Variants in ADGRV1 observed in about 807,000 individuals in gnomAD.
The protein encoded by ADGRV1 is adhesion G protein-coupled receptor V1.
ADGRV1 carries 359 observed loss-of-function variants against 596.2 expected under a neutral mutation model. The observed-to-expected ratio is 0.60, with a 90% CI of 0.55 to 0.66. The LOEUF (loss-of-function observed/expected upper bound fraction) is 0.66. ADGRV1 is among the 30% of genes least tolerant of loss of function. The pLI is 0.00. For synonymous variants in ADGRV1, 2,681 were observed against 2,679.2 expected, an observed-to-expected ratio of 1.00 and a Z score of -0.02; for missense variants, 7,274 against 7,575.6, an observed-to-expected ratio of 0.96 and a Z score of 1.48.
At chr5:91,109,179 C>T (rs561217065) in intron 87 of ADGRV1, among the ~76,000 whole-genome samples, 3 of 152,246 alleles carry the variant, frequency 2.0e-5, no homozygotes, top group Admixed American at 6.5e-5. Context: ...GACTTCTTCT[C>T]GCCCAAGAAC....
chr5:90,593,054 C>G (rs778477445), intron 1 of ADGRV1, among the ~76,000 whole-genome samples: 3 of 152,076 alleles, frequency 2.0e-5, no homozygotes, highest in Non-Finnish European at 4.4e-5. Context: ...TCCTCAAGGA[C>G]CTAGAACTAG....
chr5:90,854,058 C>T lies in ADGRV1; in HGVS notation c.17455-4C>T. ...CATTATATGTTCTGTTTTTAACATT[C>T]TAGGTATTATCTTTGAGTGTGAAAG... On this transcript the variant is annotated splice_region_variant and splice_polypyrimidine_tract_variant and intron_variant, in intron 80 of 89. Coordinates refer to ENST00000405460, the MANE Select transcript of ADGRV1 (RefSeq NM_032119.4). 6.4e-7 allele frequency: 1 copy of T among 1,567,924 alleles called. No homozygotes were observed. The highest frequency in any genetic ancestry group is 1.2e-5 in the South Asian group (1 of 86,488).
intron 83 of ADGRV1, among the ~76,000 whole-genome samples, chr5:90,908,385 T>C (rs1309482160): frequency 6.6e-6 from 1 of 152,190 alleles, no homozygotes; most frequent in Non-Finnish European, 1.5e-5. Context: ...AATTCAATTG[T>C]ACGCTTAGTT....
At chr5:91,008,400 A>G (rs1195498251) in intron 85 of ADGRV1, among the ~76,000 whole-genome samples, 1 of 152,218 alleles carries the variant, frequency 6.6e-6, no homozygotes, top group Non-Finnish European at 1.5e-5. Context: ...TAGTAGATGC[A>G]TGAATAATAA....
At chr5:90,565,108 G>A (rs1369526567) in intron 1 of ADGRV1, among the ~76,000 whole-genome samples, 4 of 152,076 alleles carry the variant, frequency 2.6e-5, no homozygotes, top group African/African-American at 9.7e-5. Flanking sequence ...GTGTTGGCGG[G>A]CGCCTGTATT....
chr5:91,031,350 A>G (rs1017393447), intron 85 of ADGRV1: 11 of 1,258,426 alleles, frequency 8.7e-6, no homozygotes, highest in Middle Eastern at 1.9e-4. Context: ...ACTCCAATCT[A>G]TCTCATCCGC....
At chr5:90,865,792 AC>A (rs774289876) in intron 83 of ADGRV1, among the ~76,000 whole-genome samples, 1 of 151,918 alleles carries the variant, frequency 6.6e-6, no homozygotes, top group African/African-American at 2.4e-5. Context: ...AAATTCTTAG[AC>A]CCCCCAAAAC....
chr5:90,811,170 C>T lies in ADGRV1; in HGVS notation c.15910C>T (p.Leu5304=), dbSNP rs764795815. The change falls in exon 74 of 90, where the codon CTA becomes TTA. Residue 5304 remains leucine (L), a synonymous_variant. Coordinates refer to ENST00000405460, the MANE Select transcript of ADGRV1 (RefSeq NM_032119.4). ...FEEQTLTLIF[L]DGERERKVSV... ...AGAACAAACTCTTACCCTTATATTC[C>T]TAGATGGAGAAAGAGAACGTAAAGT... 1 of 1,613,750 alleles carries T rather than the reference C, an allele frequency of 6.2e-7. No individual in the cohort carries two copies. The highest frequency in any genetic ancestry group is 1.7e-5 in the Admixed American group (1 of 60,002).
chr5:90,704,335 G>T lies in ADGRV1; in HGVS notation c.8287-54G>T, dbSNP rs1748308827. 1.2e-5 allele frequency: 12 copies of T among 1,036,060 alleles called. No homozygotes were observed. In the Admixed American group the frequency reaches 2.8e-4, roughly 24 times the overall value. The allele number at this position is 1,036,060 out of a possible 1,614,324, so 64.2% of individuals were successfully genotyped here. A position where few individuals can be genotyped will look rare whatever the true frequency, so the allele number is the denominator to read the frequency against. Reference sequence around the variant, plus strand: ...TAAGGTGAATAAAAATAAAGCAGGAGATAGTTCATATTCAATAACGACAGC... The same window carrying T: ...TAAGGTGAATAAAAATAAAGCAGGATATAGTTCATATTCAATAACGACAGC... On this transcript the variant is annotated intron_variant, in intron 35 of 89. Transcript: ENST00000405460.
chr5:91,120,591 T>C (rs1332846427), intron 87 of ADGRV1, among the ~76,000 whole-genome samples: 1 of 152,068 alleles, frequency 6.6e-6, no homozygotes, highest in East Asian at 1.9e-4. Flanking sequence ...CTGAACATAG[T>C]CTGGAACAAA....
At chr5:90,691,164 C>T in intron 31 of ADGRV1, 123 bp downstream of exon 31, 1 of 1,237,538 alleles carries the variant, frequency 8.1e-7, no homozygotes, top group Non-Finnish European at 1.2e-6. Flanking sequence ...CAAGAATGTT[C>T]AAACTATGCT....
chr5:90,743,635 C>T (rs909841811), intron 50 of ADGRV1, among the ~76,000 whole-genome samples: 1 of 151,900 alleles, frequency 6.6e-6, no homozygotes, highest in African/African-American at 2.4e-5. Context: ...CCATGCCCGG[C>T]TAATTTTTTG....
intron 42 of ADGRV1, among the ~76,000 whole-genome samples, chr5:90,713,881 T>C (rs6868367): frequency 0.022 from 3,420 of 152,270 alleles, 123 homozygotes; most frequent in African/African-American, 0.08. Context: ...AATTTTCTAT[T>C]TTTAAAGATT....
rs930565896 is a variant in ADGRV1 at position 90,753,913 on chromosome 5, TTC to T, written c.11377+88_11377+89del. 4.5e-6 allele frequency: 6 copies of T among 1,338,546 alleles called. No homozygotes were observed. In the Admixed American group the frequency reaches 8.5e-5, roughly 19 times the overall value. 82.9% of individuals were successfully genotyped at this position (1,338,546 alleles called of 1,614,324 possible). On this transcript the variant is annotated intron_variant, in intron 54 of 89. Transcript: ENST00000405460. ...TCTAATATTTATAAGGAATGTAAATTTCTCTTTTTATATGACTTTTTCAGTTT... is the reference window on the plus strand; with the variant it reads ...TCTAATATTTATAAGGAATGTAAATTTCTTTTTATATGACTTTTTCAGTTT...
At position 90,965,421 on chromosome 5, in the gene ADGRV1, T is replaced by A. The variant is rs766583190; in HGVS notation, c.17863T>A (p.Phe5955Ile). The change falls in exon 84 of 90, where the codon TTT becomes ATT. Residue 5955 changes from phenylalanine to isoleucine, a missense_variant. By Grantham distance (21) the Phe-to-Ile change is conservative. Transcript: ENST00000405460. The part of the protein sequence containing the change: ...MAASLGTQIL[F>I]LASAYASPQL... The stretch of plus-strand genomic sequence containing the variant: ...AAGTATCTGTTTCTTACAGATTCTG[T>A]TTCTGGCGTCTGCATACGCAAGTCC... The A allele has an allele frequency of 6.2e-7, 1 of 1,605,112 alleles. No individual in the cohort carries two copies. Among genetic ancestry groups the A allele is most frequent in the Non-Finnish European group, 8.5e-7 (1 of 1,171,776 alleles).
chr5:90,785,717 G>T (rs952262210), intron 67 of ADGRV1, among the ~76,000 whole-genome samples: 1 of 152,204 alleles, frequency 6.6e-6, no homozygotes, highest in East Asian at 1.9e-4. Context: ...TCTCACTCCA[G>T]TTAGAATGGC....
In ADGRV1 at chr5:90,728,761, T is replaced by C; in HGVS notation, c.10254T>C (p.Ser3418=). 1.2e-6 allele frequency: 2 copies of C among 1,613,982 alleles called. No individual in the cohort carries two copies. The highest frequency in any genetic ancestry group is 1.7e-6 in the Non-Finnish European group (2 of 1,179,838). The change falls in exon 49 of 90, where the codon TCT becomes TCC. Residue 3418 remains serine (S), a synonymous_variant. Coordinates refer to ENST00000405460, the MANE Select transcript of ADGRV1 (RefSeq NM_032119.4). ...TGGCCTTGTTCAACAAGGGAGGCTC[T>C]GTGTTCTTAGCCATTTCCCAGGCTA... The part of the protein sequence containing the change: ...LTVALFNKGG[S]VFLAISQANA...
At chr5:90,617,472 G>A in intron 2 of ADGRV1, 1 of 187,258 alleles carries the variant, frequency 5.3e-6, no homozygotes, top group South Asian at 1.0e-4. Flanking sequence ...ACCACGCCCA[G>A]CTAATTTTTG....
At chr5:90,721,931 A>C (rs1427494819) in intron 45 of ADGRV1, among the ~76,000 whole-genome samples, 2 of 152,242 alleles carry the variant, frequency 1.3e-5, no homozygotes, top group Non-Finnish European at 1.5e-5. Flanking sequence ...TAGTAGGTAC[A>C]GAAATAAGGA....
Sources: allele counts gnomAD v4.1 joint callset (sites outside exome capture counted in the v4.1 genomes callset), GRCh38; gene constraint gnomAD v4.1.1; transcripts MANE v1.5; gene names NCBI Gene and HGNC (gene_info 2026-07-23, HGNC 2026-07-21).